The following NPAS3 variants were observed in gnomAD, a reference collection of about 807,000 sequenced individuals.
The protein encoded by NPAS3 is neuronal PAS domain protein 3.
In NPAS3, 14 loss-of-function variants were observed where a neutral mutation model predicts 73.1. That is an observed-to-expected ratio of 0.19 (90% CI 0.13 to 0.30). The LOEUF is 0.30. NPAS3 is among the 10% of genes least tolerant of loss of function. The pLI is 1.00. For synonymous variants in NPAS3, 620 were observed against 541.5 expected, an observed-to-expected ratio of 1.14 and a Z score of -2.01; for missense variants, 1,096 against 1,250.0, an observed-to-expected ratio of 0.88 and a Z score of 1.86.
intron 2 of NPAS3, among the ~76,000 whole-genome samples, chr14:33,213,222 T>G (rs1311635833): frequency 9.0e-6 from 1 of 111,450 alleles, no homozygotes; most frequent in Non-Finnish European, 1.8e-5. Flanking sequence ...AGCCCCATCA[T>G]AGTCACTTAC....
At chr14:33,273,642 T>C (rs1390858257) in intron 3 of NPAS3, among the ~76,000 whole-genome samples, 1 of 152,188 alleles carries the variant, frequency 6.6e-6, no homozygotes, top group Non-Finnish European at 1.5e-5. Context: ...ACAAAGGTCA[T>C]GAATATCCCA....
intron 3 of NPAS3, among the ~76,000 whole-genome samples, chr14:33,239,958 A>G (rs2048163567): frequency 6.6e-6 from 1 of 151,864 alleles, no homozygotes; most frequent in African/African-American, 2.4e-5. Flanking sequence ...AACCCCTCAA[A>G]TGTGGCTAAG....
chr14:33,318,354 G>A (rs2043293462), intron 3 of NPAS3, among the ~76,000 whole-genome samples: 1 of 152,034 alleles, frequency 6.6e-6, no homozygotes, highest in Non-Finnish European at 1.5e-5. Flanking sequence ...GCGAGGAATG[G>A]GGAATTGTCA....
intron 2 of NPAS3, among the ~76,000 whole-genome samples, chr14:33,109,906 G>A (rs1394488833): frequency 5.9e-5 from 8 of 135,774 alleles, no homozygotes; most frequent in African/African-American, 1.9e-4. Flanking sequence ...GGGCTTAAAC[G>A]ATCCTCCCAC....
At chr14:33,226,028 T>A (rs570288658) in intron 3 of NPAS3, among the ~76,000 whole-genome samples, 1 of 152,114 alleles carries the variant, frequency 6.6e-6, no homozygotes, top group Admixed American at 6.6e-5. Flanking sequence ...CAGCCAGGAG[T>A]GTGATGTTGG....
chr14:33,142,145 AT>A (rs1002348465), intron 2 of NPAS3, among the ~76,000 whole-genome samples: 1 of 133,682 alleles, frequency 7.5e-6, no homozygotes, highest in African/African-American at 2.7e-5. Context: ...ACTTTGTACA[AT>A]TTTACTTCTG....
chr14:33,063,678 C>T (rs1372264345), intron 2 of NPAS3, among the ~76,000 whole-genome samples: 1 of 152,120 alleles, frequency 6.6e-6, no homozygotes, highest in African/African-American at 2.4e-5. Context: ...ACCATATGGC[C>T]CACAAAGCTG....
intron 6 of NPAS3, among the ~76,000 whole-genome samples, chr14:33,718,693 A>G (rs1242209858): frequency 6.6e-6 from 1 of 152,208 alleles, no homozygotes; most frequent in Non-Finnish European, 1.5e-5. Context: ...GGTCAAATTT[A>G]ACTTACATTT....
At chr14:33,526,370 C>T (rs2053802516) in intron 4 of NPAS3, among the ~76,000 whole-genome samples, 1 of 139,520 alleles carries the variant, frequency 7.2e-6, no homozygotes, top group Non-Finnish European at 1.6e-5. Context: ...GCTCTCCAGC[C>T]ATTTGTTTGT....
Position 32,990,568 on chromosome 14 carries a change from G to A in NPAS3, c.50+51202G>A, listed in dbSNP as rs150368151. ...GGCTACCAGTGGGCAAATCCAGTAG[G>A]TAGAGGAATAACTGGAAGAGAAATG... On this transcript the variant is annotated intron_variant, in intron 1 of 11. Coordinates refer to ENST00000356141, the Ensembl canonical transcript of NPAS3. Among the ~76,000 whole-genome samples the A allele has an allele frequency of 6.4e-4, 98 of 152,212 alleles. No homozygotes were observed. In the East Asian group the frequency reaches 0.011, roughly 17 times the overall value.
At chr14:33,730,711 C>T (rs1233490047) in intron 6 of NPAS3, among the ~76,000 whole-genome samples, 2 of 152,204 alleles carry the variant, frequency 1.3e-5, no homozygotes, top group East Asian at 3.8e-4. Flanking sequence ...ACCAACTTGT[C>T]AAATCCCAGT....
At chr14:33,485,948 G>A (rs1254718160) in intron 4 of NPAS3, among the ~76,000 whole-genome samples, 1 of 151,992 alleles carries the variant, frequency 6.6e-6, no homozygotes, top group Non-Finnish European at 1.5e-5. Flanking sequence ...GTATATGAAT[G>A]TGAGTGGCCG....
intron 5 of NPAS3, among the ~76,000 whole-genome samples, chr14:33,672,230 C>T (rs1157423735): frequency 6.6e-6 from 1 of 152,078 alleles, no homozygotes; most frequent in Non-Finnish European, 1.5e-5. Flanking sequence ...CCATCCTCAG[C>T]TAAACTCAAG....
intron 3 of NPAS3, among the ~76,000 whole-genome samples, chr14:33,262,686 T>G (rs868674418): frequency 1.2e-4 from 18 of 152,020 alleles, no homozygotes; most frequent in South Asian, 6.2e-4. Context: ...ATTCCAAGAG[T>G]TCTTTTAATT....
rs1393651780 is a variant in NPAS3 at position 33,543,981 on chromosome 14, A to C, written c.469-16140A>C. On this transcript the variant is annotated intron_variant, in intron 4 of 11. Transcript: ENST00000356141. ...TATATATATATATATATATATATAT[A>C]TATATATATATATATATATATCTAT... is the stretch of plus-strand genomic sequence containing the variant. Among the ~76,000 whole-genome samples the C allele has an allele frequency of 4.8e-3, 176 of 36,894 alleles. 5 individuals carry two copies. The highest frequency in any genetic ancestry group is 0.037 in the African/African-American group (161 of 4,302). The allele number at this position is 36,894 out of a possible 152,430, so 24.2% of individuals were successfully genotyped here.
chr14:33,149,507 G>A (rs1451828890), intron 2 of NPAS3, among the ~76,000 whole-genome samples: 1 of 152,162 alleles, frequency 6.6e-6, no homozygotes, highest in East Asian at 1.9e-4. Context: ...TTGCTCTGCA[G>A]TTGATATCAC....
At chr14:33,430,518 T>TC (rs1423338058) in intron 4 of NPAS3, among the ~76,000 whole-genome samples, 10 of 152,178 alleles carry the variant, frequency 6.6e-5, no homozygotes, top group African/African-American at 2.2e-4. Context: ...TTTTTCCTTC[T>TC]CCCCTCTCCC....
intron 4 of NPAS3, among the ~76,000 whole-genome samples, chr14:33,529,399 C>G (rs1308675901): frequency 2.6e-5 from 4 of 151,902 alleles, no homozygotes; most frequent in Admixed American, 2.6e-4. Context: ...TGGATTTTTC[C>G]TGAGCAGAAT....
Position 33,784,751 on chromosome 14 carries a change from T to TATTTTTTTTTA in NPAS3, c.1153+6179_1153+6180insATTTTTTTTTA, listed in dbSNP as rs199829124. Among the ~76,000 whole-genome samples, 58 of 114,830 alleles carry TATTTTTTTTTA rather than the reference T, an allele frequency of 5.1e-4. 1 individual carries two copies. Among genetic ancestry groups the TATTTTTTTTTA allele is most frequent in the African/African-American group, 1.9e-3 (48 of 25,862 alleles). 75.3% of individuals were successfully genotyped at this position (114,830 alleles called of 152,430 possible). The stretch of plus-strand genomic sequence containing the variant: ...TTTATTTATTTATTTATTTATTTTT[T>TATTTTTTTTTA]TTTTTTTTTTTTTTTTGAGACAGAG... On this transcript the variant is annotated intron_variant, in intron 9 of 11. Coordinates refer to ENST00000356141, the Ensembl canonical transcript of NPAS3.
Sources: allele counts gnomAD v4.1 joint callset (sites outside exome capture counted in the v4.1 genomes callset), GRCh38; gene constraint gnomAD v4.1.1; transcripts MANE v1.5; gene names NCBI Gene and HGNC (gene_info 2026-07-23, HGNC 2026-07-21).